TMEM175: variants seen among roughly 807,000 people sequenced by gnomAD.
The protein encoded by TMEM175 is transmembrane protein 175.
A neutral mutation model predicts 36.5 loss-of-function variants in TMEM175; 36 were observed. The observed-to-expected ratio is 0.99, with a 90% CI of 0.76 to 1.30. The LOEUF (loss-of-function observed/expected upper bound fraction) is 1.30, where lower values mean the gene tolerates loss of function less well. Ranked by LOEUF, TMEM175 falls within the 50% of genes most tolerant of loss-of-function variation. The probability of loss-of-function intolerance (pLI) is 0.00; values close to 1 mark genes in which losing one functional copy is unlikely to be tolerated. For synonymous variants in TMEM175, 339 were observed against 313.4 expected, an observed-to-expected ratio of 1.08 and a Z score of -0.86; for missense variants, 705 against 692.8, an observed-to-expected ratio of 1.02 and a Z score of -0.20.
intron 1 of TMEM175, among the ~76,000 whole-genome samples, chr4:939,143 A>G (rs538302965): frequency 6.6e-5 from 10 of 152,376 alleles, no homozygotes; most frequent in African/African-American, 2.4e-4. Context: ...ATAGCTAAGT[A>G]GGTAAATAGA....
intron 1 of TMEM175, among the ~76,000 whole-genome samples, chr4:947,009 G>A (rs549131979): frequency 9.9e-5 from 14 of 141,408 alleles, no homozygotes; most frequent in Admixed American, 5.6e-4. Context: ...GAGGGAGAGC[G>A]CGGCCCCTGT....
chr4:951,521 CCCCCATCTGG>C, intron 5 of TMEM175, 151 bp from the exon 6 acceptor site: 5 of 911,910 alleles, frequency 5.5e-6, no homozygotes, highest in Non-Finnish European at 8.6e-6. Context: ...AGGATGAGTG[CCCCCATCTGG>C]CCCTGCAGGG....
chr4:953,433 C>T, intron 8 of TMEM175, 79 bp downstream of exon 8: 1 of 1,488,756 alleles, frequency 6.7e-7, no homozygotes, highest in Non-Finnish European at 9.0e-7. Flanking sequence ...GAGCAACAAA[C>T]ACGGGGGTGG....
chr4:947,606 G>GCCC, intron 1 of TMEM175, 103 bp from the exon 2 acceptor site: 1 of 851,630 alleles, frequency 1.2e-6, no homozygotes, highest in East Asian at 2.8e-5. Context: ...TGGCGGCCAA[G>GCCC]CCCCCCCCCA....
At chr4:951,350 T>G in intron 5 of TMEM175, 92 bp downstream of exon 5, 1 of 1,433,678 alleles carries the variant, frequency 7.0e-7, no homozygotes, top group African/African-American at 1.4e-5. Context: ...GCCTCTCTCG[T>G]GACCTCCAGG....
chr4:935,497 G>A (rs538367962), intron 1 of TMEM175, among the ~76,000 whole-genome samples: 1 of 152,288 alleles, frequency 6.6e-6, no homozygotes, highest in South Asian at 2.1e-4. Flanking sequence ...AAACATTTAT[G>A]CACCTAATAA....
In TMEM175 at chr4:958,424, G is replaced by A. The variant is rs375849759; in HGVS notation, c.1443G>A (p.Arg481=). 2.4e-5 allele frequency: 38 copies of A among 1,595,906 alleles called. No individual in the cohort carries two copies. In the African/African-American group the frequency reaches 4.8e-4, roughly 20 times the overall value. ...TGCGGGTCCTGCGGGGCCTCGCCCG[G>A]CCCGAACACCCCCCGCCAGCCCCCA... is the stretch of plus-strand genomic sequence containing the variant. ...ATLRVLRGLA[R]PEHPPPAPTG... Residue 481 remains arginine (R), a synonymous_variant, in exon 11 of 11, where the codon CGG becomes CGA. Transcript: ENST00000264771.
At chr4:945,453 G>A (rs1013849231) in intron 1 of TMEM175, among the ~76,000 whole-genome samples, 8 of 152,042 alleles carry the variant, frequency 5.3e-5, no homozygotes, top group East Asian at 3.9e-4. Context: ...CCCTCCCGTC[G>A]CCTCACGCCC....
chr4:952,854 T>C (rs1729122995), intron 7 of TMEM175, among the ~76,000 whole-genome samples: 1 of 151,784 alleles, frequency 6.6e-6, no homozygotes, highest in South Asian at 2.1e-4. Flanking sequence ...CCTACACACA[T>C]AGGATGTGGC....
rs1365138178 is a variant in TMEM175 at position 947,766 on chromosome 4, G to C, written c.27G>C (p.Gln9His). The C allele has an allele frequency of 6.2e-7, 1 of 1,611,792 alleles. No homozygotes were observed. The highest frequency in any genetic ancestry group is 2.2e-5 in the East Asian group (1 of 44,868). The change falls in exon 2 of 11, where the codon CAG (glutamine) becomes CAC (histidine). Residue 9 changes from glutamine to histidine, a missense_variant. Transcript: ENST00000264771. MSQPRTPE[Q>H]ALDTPGDCPP... ...TGTCCCAGCCCCGGACCCCAGAGCA[G>C]GCACTGGATACACCGGGGGACTGCC...
At chr4:944,274 C>G (rs1396606279) in intron 1 of TMEM175, among the ~76,000 whole-genome samples, 1 of 152,156 alleles carries the variant, frequency 6.6e-6, no homozygotes, top group East Asian at 1.9e-4. Flanking sequence ...GCCTGGGCGA[C>G]AGAGCAAGAC....
In TMEM175 at chr4:948,651, C is replaced by CAGCCACT; in HGVS notation, c.192+497_192+498insAGCCACT. 8.1e-6 allele frequency: 10 copies of CAGCCACT among 1,229,622 alleles called. 1 individual carries two copies. In the South Asian group the frequency reaches 1.3e-4, roughly 16 times the overall value. 76.2% of individuals were successfully genotyped at this position (1,229,622 alleles called of 1,614,324 possible). A position where few individuals can be genotyped will look rare whatever the true frequency, so the allele number is the denominator to read the frequency against. ...AAGGGTTTACAAGCAGAGTTTCCAC[C>CAGCCACT]TTGACTGTTTCTGAGCTAAAGAGCC... On this transcript the variant is annotated intron_variant, in intron 3 of 10. Transcript: ENST00000264771.
intron 4 of TMEM175, among the ~76,000 whole-genome samples, chr4:950,856 G>T (rs1728794004): frequency 1.3e-5 from 2 of 151,766 alleles, no homozygotes; most frequent in South Asian, 4.2e-4. Flanking sequence ...GTAGGCGGAG[G>T]TGTGGACGGT....
intron 1 of TMEM175, among the ~76,000 whole-genome samples, chr4:941,209 C>G (rs1212029354): frequency 6.7e-6 from 1 of 149,992 alleles, no homozygotes; most frequent in African/African-American, 2.4e-5. Context: ...AACCCTATCT[C>G]TACTAAAAAT....
Position 955,743 on chromosome 4 carries a change from G to T in TMEM175, c.707-12G>T, listed in dbSNP as rs368862791. The T allele has an allele frequency of 6.2e-7, 1 of 1,611,678 alleles. No homozygotes were observed. The highest frequency in any genetic ancestry group is 8.5e-7 in the Non-Finnish European group (1 of 1,179,140). On this transcript the variant is annotated splice_polypyrimidine_tract_variant and intron_variant, in intron 9 of 10. Transcript: ENST00000264771. ...GGGTTTGGCCAGCTCCACCCTCCTGGCGTGTCCCCAGGCCACAGGGAGCCC... is the reference window on the plus strand; with the variant it reads ...GGGTTTGGCCAGCTCCACCCTCCTGTCGTGTCCCCAGGCCACAGGGAGCCC...
In TMEM175 at chr4:955,405, T is replaced by A; in HGVS notation, c.628T>A (p.Ser210Thr). The A allele has an allele frequency of 2.5e-6, 4 of 1,613,982 alleles. No individual in the cohort carries two copies. In the East Asian group the frequency reaches 8.9e-5, roughly 36 times the overall value. Reference protein sequence around the residue: ...AIFSLFFVPLSYLLMVTVILL... With the variant: ...AIFSLFFVPLTYLLMVTVILL... ...TGACCTGCGGTTTGTCTCCCTGCAGTCTTACCTGCTGATGGTGACTGTCAT... is the reference window on the plus strand; with the variant it reads ...TGACCTGCGGTTTGTCTCCCTGCAGACTTACCTGCTGATGGTGACTGTCAT... Residue 210 changes from serine (S) to threonine (T), a missense_variant and splice_region_variant, in exon 9 of 11, where the codon TCT (serine) becomes ACT (threonine). Transcript: ENST00000264771.
chr4:958,542 G>C lies in TMEM175; in HGVS notation c.*46G>C. On this transcript the variant is annotated 3_prime_UTR_variant, in exon 11 of 11. Coordinates refer to ENST00000264771, the MANE Select transcript of TMEM175 (RefSeq NM_032326.4). ...AGCCGTCCTCACCAGAGATGGACCA[G>C]GGAGGACAGGATGCTGGGCAGGGGA... 2 of 1,424,950 alleles carry C rather than the reference G, an allele frequency of 1.4e-6. No individual in the cohort carries two copies. The highest frequency in any genetic ancestry group is 9.2e-7 in the Non-Finnish European group (1 of 1,081,612). 88.3% of individuals were successfully genotyped at this position (1,424,950 alleles called of 1,614,324 possible).
chr4:948,008 G>A, intron 2 of TMEM175, 108 bp from the exon 3 acceptor site: 1 of 1,609,900 alleles, frequency 6.2e-7, no homozygotes, highest in Non-Finnish European at 8.5e-7. Flanking sequence ...CAGCTCCTCA[G>A]GCAGCTTAGG....
intron 10 of TMEM175, chr4:956,981 T>C (rs1729741949): frequency 6.3e-6 from 1 of 158,758 alleles, no homozygotes; most frequent in Admixed American, 6.4e-5. Flanking sequence ...CCAGGGATGC[T>C]CCAGGGTGAG....
Sources: gnomAD v4.1 joint callset for allele counts (sites outside exome capture counted in the v4.1 genomes callset) on GRCh38, gnomAD v4.1.1 for gene constraint, MANE v1.5 for transcripts, NCBI Gene and HGNC (gene_info 2026-07-23, HGNC 2026-07-21) for gene names.